FNDC3A: variants seen among roughly 807,000 people sequenced by gnomAD.
The protein encoded by FNDC3A is fibronectin type III domain containing 3A.
Under a neutral mutation model 148.9 loss-of-function variants are expected in FNDC3A, and 32 were observed. The ratio of observed to expected loss-of-function variants is 0.21; its 90% CI spans 0.16 to 0.29. FNDC3A has a LOEUF of 0.29. Ranked by LOEUF, FNDC3A falls within the 10% of genes least tolerant of loss-of-function variation. FNDC3A has a pLI of 1.00. For missense variants in FNDC3A, 1,191 were observed against 1,452.8 expected, an observed-to-expected ratio of 0.82 and a Z score of 2.93; for synonymous variants, 472 against 473.6, an observed-to-expected ratio of 1.00 and a Z score of 0.04.
At chr13:49,190,966 T>A in intron 17 of FNDC3A, 49 bp from the exon 18 acceptor site, 3 of 1,247,076 alleles carry the variant, frequency 2.4e-6, no homozygotes, top group Non-Finnish European at 3.4e-6. Flanking sequence ...GCAATCTGAT[T>A]ATTTGGTTTT....
chr13:49,123,552 A>G (rs1243710672), intron 4 of FNDC3A, among the ~76,000 whole-genome samples: 2 of 152,102 alleles, frequency 1.3e-5, no homozygotes, highest in Non-Finnish European at 2.9e-5. Flanking sequence ...CTATAATCAA[A>G]GTAAACAGGC....
At chr13:49,017,507 G>A (rs544874508) in intron 2 of FNDC3A, among the ~76,000 whole-genome samples, 5 of 152,246 alleles carry the variant, frequency 3.3e-5, no homozygotes, top group African/African-American at 1.2e-4. Context: ...CTGCACATGA[G>A]ATGGGTTTCC....
rs147177134 is a variant in FNDC3A, at chr13:49,197,789, G to A, written c.2405G>A (p.Ser802Asn). 2.7e-5 allele frequency: 43 copies of A among 1,611,202 alleles called. No homozygotes were observed. In the African/African-American group the frequency reaches 2.9e-4, roughly 11 times the overall value. The change falls in exon 21 of 26, where the codon AGT becomes AAT. Residue 802 changes from serine (S) to asparagine (N), a missense_variant. By Grantham distance (46) the Ser-to-Asn change is conservative. Coordinates refer to ENST00000492622, the MANE Select transcript of FNDC3A (RefSeq NM_001079673.2). The stretch of plus-strand genomic sequence containing the variant: ...CTGGAGTGGGGAGGAGTTGAAGGAA[G>A]TATGCAGATATGTTACTGTGGGCCT... ...YRLEWGGVEGSMQICYCGPGL... is the reference protein window; with the variant it reads ...YRLEWGGVEGNMQICYCGPGL...
chr13:49,143,575 G>A (rs1208481756), intron 7 of FNDC3A, among the ~76,000 whole-genome samples: 2 of 151,886 alleles, frequency 1.3e-5, no homozygotes, highest in African/African-American at 4.8e-5. Flanking sequence ...GGGGAAGCTG[G>A]GTAAAGGATA....
At chr13:49,016,581 T>C (rs573450527) in intron 2 of FNDC3A, among the ~76,000 whole-genome samples, 1 of 152,272 alleles carries the variant, frequency 6.6e-6, no homozygotes, top group South Asian at 2.1e-4. Context: ...TTTTGAAGGG[T>C]TTTGTGTGTC....
chr13:48,997,679 G>C (rs1952047796), intron 1 of FNDC3A, among the ~76,000 whole-genome samples: 1 of 152,144 alleles, frequency 6.6e-6, no homozygotes, highest in Non-Finnish European at 1.5e-5. Flanking sequence ...AACCATGCTA[G>C]CACCCTGATC....
At chr13:49,024,700 A>G (rs1476641273) in intron 2 of FNDC3A, among the ~76,000 whole-genome samples, 1 of 151,928 alleles carries the variant, frequency 6.6e-6, no homozygotes, top group African/African-American at 2.4e-5. Flanking sequence ...TTAAAAAAAA[A>G]CCCTCAATAA....
In FNDC3A at chr13:49,191,094, A is replaced by C. The variant is rs1885860171; in HGVS notation, c.2024A>C (p.Lys675Thr). 1 of 1,613,818 alleles carries C rather than the reference A, an allele frequency of 6.2e-7. No homozygotes were observed. The highest frequency in any genetic ancestry group is 2.2e-5 in the East Asian group (1 of 44,876). ...CCTCCCAGATTACAGGGTAGACCCA[A>C]AGCAAAAGAAATACAGTTACGATGG... ...CLPPRLQGRP[K>T]AKEIQLRWGP... Residue 675 changes from lysine (K) to threonine (T), a missense_variant, in exon 18 of 26, where the codon AAA becomes ACA. This residue lies in a region of FNDC3A where 751 missense variants were observed against 944.0 expected (regional missense o/e 0.80). Coordinates refer to ENST00000492622, the MANE Select transcript of FNDC3A (RefSeq NM_001079673.2).
intron 1 of FNDC3A, among the ~76,000 whole-genome samples, chr13:48,985,854 A>G (rs1416225262): frequency 6.6e-6 from 1 of 152,202 alleles, no homozygotes; most frequent in African/African-American, 2.4e-5. Flanking sequence ...TTTCAAGTAT[A>G]AGCAAGTACA....
intron 3 of FNDC3A, among the ~76,000 whole-genome samples, chr13:49,101,731 A>G (rs889388539): frequency 3.3e-5 from 5 of 150,862 alleles, no homozygotes; most frequent in African/African-American, 1.2e-4. Flanking sequence ...AAAGTTGGAC[A>G]TTTATGGATG....
At chr13:49,126,496 C>T (rs967913699) in intron 4 of FNDC3A, among the ~76,000 whole-genome samples, 1 of 152,124 alleles carries the variant, frequency 6.6e-6, no homozygotes, top group African/African-American at 2.4e-5. Context: ...TTTAAATGTT[C>T]TTACTCATCA....
rs945080552 is a variant in FNDC3A, at chr13:49,153,442, C to T, written c.977+7507C>T. Among the ~76,000 whole-genome samples the T allele has an allele frequency of 5.7e-3, 867 of 152,064 alleles. 6 individuals carry two copies. Among genetic ancestry groups the T allele is most frequent in the African/African-American group, 0.02 (823 of 41,480 alleles). On this transcript the variant is annotated intron_variant, in intron 8 of 25. Transcript: ENST00000492622. ...AGCCCTTTGTCAGATGAGTAGGTTG[C>T]AAAAATTTTCTCCCATTTTGTAGGT...
Position 49,043,351 on chromosome 13 carries a change from A to G in FNDC3A, c.100-31938A>G, listed in dbSNP as rs139664074. ...GACAGTTAATACTAATTTCTTTGAAATTTGTGAAACTTGATTTGTGCTGTT... is the reference window on the plus strand; with the variant it reads ...GACAGTTAATACTAATTTCTTTGAAGTTTGTGAAACTTGATTTGTGCTGTT... On this transcript the variant is annotated intron_variant, in intron 2 of 25. Coordinates refer to ENST00000492622, the MANE Select transcript of FNDC3A (RefSeq NM_001079673.2). Among the ~76,000 whole-genome samples the G allele has an allele frequency of 3.0e-4, 46 of 152,250 alleles. 1 individual carries two copies. The East Asian group carries it at 8.5e-3, about 28-fold the overall frequency.
chr13:48,988,332 G>A (rs560563896), intron 1 of FNDC3A, among the ~76,000 whole-genome samples: 2 of 152,160 alleles, frequency 1.3e-5, no homozygotes, highest in East Asian at 1.9e-4. Flanking sequence ...CCACCCCAAA[G>A]CATAAATTCA....
chr13:49,009,556 C>G (rs1411591872), intron 2 of FNDC3A, among the ~76,000 whole-genome samples: 2 of 152,220 alleles, frequency 1.3e-5, no homozygotes, highest in Non-Finnish European at 2.9e-5. Flanking sequence ...TCTAAGGTGG[C>G]TGTACCATTG....
chr13:49,086,784 A>T (rs549702762), intron 3 of FNDC3A, among the ~76,000 whole-genome samples: 6 of 152,304 alleles, frequency 3.9e-5, no homozygotes, highest in African/African-American at 1.4e-4. Flanking sequence ...GATTGTATTT[A>T]AAAATTTGCT....
intron 4 of FNDC3A, among the ~76,000 whole-genome samples, chr13:49,129,428 G>A (rs1029579901): frequency 2.6e-5 from 4 of 152,174 alleles, no homozygotes; most frequent in Admixed American, 6.5e-5. Context: ...AAATGGCTCC[G>A]TTTTTTAAGA....
chr13:49,179,487 G>A (rs1303089988), intron 14 of FNDC3A, among the ~76,000 whole-genome samples: 2 of 152,070 alleles, frequency 1.3e-5, no homozygotes, highest in African/African-American at 4.8e-5. Context: ...TTCATCCATA[G>A]TTTTAACACC....
intron 8 of FNDC3A, among the ~76,000 whole-genome samples, chr13:49,160,068 T>C (rs1479882335): frequency 6.6e-6 from 1 of 152,196 alleles, no homozygotes; most frequent in Non-Finnish European, 1.5e-5. Flanking sequence ...GGGATATTGG[T>C]CTAAAATTCT....
Sources: allele counts gnomAD v4.1 joint callset (sites outside exome capture counted in the v4.1 genomes callset), GRCh38; gene constraint gnomAD v4.1.1; regional missense constraint gnomAD v4.1.1; transcripts MANE v1.5; gene names NCBI Gene and HGNC (gene_info 2026-07-23, HGNC 2026-07-21).